The following ADCY2 variants were observed in gnomAD, a reference collection of about 807,000 sequenced individuals.
ADCY2 encodes the protein adenylate cyclase 2.
ADCY2 carries 31 observed loss-of-function variants against 125.2 expected under a neutral mutation model. The observed-to-expected ratio is 0.25, with a 90% confidence interval of 0.19 to 0.33. The LOEUF (loss-of-function observed/expected upper bound fraction) is 0.33, where lower values mean the gene tolerates loss of function less well. Among genes scored for constraint, ADCY2 ranks in the 10% least tolerant of loss-of-function variants. The pLI, the probability that ADCY2 is intolerant of heterozygous loss-of-function variation, is 1.00. For missense variants in ADCY2, 904 were observed against 1,418.2 expected, an observed-to-expected ratio of 0.64 and a Z score of 5.82; for synonymous variants, 512 against 548.4, an observed-to-expected ratio of 0.93 and a Z score of 0.93.
chr5:7,716,090 A>C (rs1212061836), intron 11 of ADCY2, among the ~76,000 whole-genome samples: 1 of 152,196 alleles, frequency 6.6e-6, no homozygotes, highest in African/African-American at 2.4e-5. Flanking sequence ...CAAATTGTCA[A>C]ATTAACCTTG....
intron 2 of ADCY2, among the ~76,000 whole-genome samples, chr5:7,497,581 T>A: frequency 6.6e-6 from 1 of 152,044 alleles, no homozygotes; most frequent in East Asian, 1.9e-4. Context: ...AATGAAAGCA[T>A]CCAAAAGTCA....
intron 2 of ADCY2, among the ~76,000 whole-genome samples, chr5:7,504,254 G>A (rs1202647578): frequency 2.6e-5 from 4 of 152,192 alleles, no homozygotes; most frequent in Admixed American, 2.0e-4. Flanking sequence ...AATCCCTTAT[G>A]AACCAGAAAA....
intron 4 of ADCY2, among the ~76,000 whole-genome samples, chr5:7,628,823 A>T (rs557925864): frequency 3.8e-5 from 5 of 133,004 alleles, no homozygotes; most frequent in South Asian, 4.7e-4. Flanking sequence ...ATCTTGGTTT[A>T]AAAAAAAAAA....
intron 20 of ADCY2, chr5:7,797,875 A>G (rs1744476007): frequency 6.6e-6 from 1 of 152,258 alleles, no homozygotes; most frequent in African/African-American, 2.4e-5. Flanking sequence ...GGAGCACCCC[A>G]TGACTTGAGT....
chr5:7,781,539 T>C (rs989930584), intron 18 of ADCY2, among the ~76,000 whole-genome samples: 1 of 152,164 alleles, frequency 6.6e-6, no homozygotes, highest in Non-Finnish European at 1.5e-5. Flanking sequence ...AAGCCAATGA[T>C]GGCCAGCAAA....
At chr5:7,417,216 G>T (rs546111136) in intron 2 of ADCY2, among the ~76,000 whole-genome samples, 1 of 151,434 alleles carries the variant, frequency 6.6e-6, no homozygotes, top group Non-Finnish European at 1.5e-5. Context: ...AATAATTTTC[G>T]TTAGACTCAA....
chr5:7,643,266 AT>A (rs1449878960), intron 4 of ADCY2, among the ~76,000 whole-genome samples: 8 of 152,090 alleles, frequency 5.3e-5, no homozygotes, highest in Non-Finnish European at 8.8e-5. Flanking sequence ...AAACAGATTA[AT>A]TTTTTCAGCA....
chr5:7,807,452 C>T (rs945848154), intron 22 of ADCY2, among the ~76,000 whole-genome samples: 2 of 152,190 alleles, frequency 1.3e-5, no homozygotes, highest in African/African-American at 2.4e-5. Context: ...TCTGAGCATT[C>T]GTCCTAGGTG....
At chr5:7,807,483 C>T (rs1250770104) in intron 22 of ADCY2, among the ~76,000 whole-genome samples, 6 of 152,164 alleles carry the variant, frequency 3.9e-5, no homozygotes, top group Non-Finnish European at 8.8e-5. Context: ...TGTGGATGGC[C>T]GTTGCCTTTG....
At chr5:7,573,445 G>T (rs191530042) in intron 3 of ADCY2, among the ~76,000 whole-genome samples, 100 of 152,182 alleles carry the variant, frequency 6.6e-4, no homozygotes, top group African/African-American at 2.2e-3. Context: ...AGGCATGGAT[G>T]CATGGTTCTA....
At chr5:7,808,700 T>A (rs1744840325) in intron 22 of ADCY2, among the ~76,000 whole-genome samples, 1 of 152,194 alleles carries the variant, frequency 6.6e-6, no homozygotes, top group Non-Finnish European at 1.5e-5. Flanking sequence ...TTGGCTCACC[T>A]GCCCCTCCAC....
intron 19 of ADCY2, among the ~76,000 whole-genome samples, chr5:7,788,877 A>G (rs899980477): frequency 1.3e-5 from 2 of 152,242 alleles, no homozygotes; most frequent in Non-Finnish European, 2.9e-5. Flanking sequence ...TCCATTCAAG[A>G]CTATTTCATG....
At chr5:7,777,753 G>A (rs1743781374) in intron 18 of ADCY2, among the ~76,000 whole-genome samples, 1 of 152,196 alleles carries the variant, frequency 6.6e-6, no homozygotes, top group Admixed American at 6.5e-5. Flanking sequence ...GGAAAAAGGA[G>A]AAGTATGCAC....
At chr5:7,530,157 G>A (rs2126544581) in intron 3 of ADCY2, among the ~76,000 whole-genome samples, 1 of 152,318 alleles carries the variant, frequency 6.6e-6, no homozygotes, top group South Asian at 2.1e-4. Context: ...CTGATTAGAT[G>A]TGATGACCTC....
At chr5:7,559,797 C>A (rs1287516585) in intron 3 of ADCY2, among the ~76,000 whole-genome samples, 3 of 152,052 alleles carry the variant, frequency 2.0e-5, no homozygotes, top group Admixed American at 6.6e-5. Context: ...TATGAAGAAG[C>A]AAGAAAGACC....
intron 2 of ADCY2, among the ~76,000 whole-genome samples, chr5:7,452,747 T>C (rs912906784): frequency 3.9e-5 from 6 of 152,206 alleles, no homozygotes; most frequent in African/African-American, 9.7e-5. Flanking sequence ...TTTCACCACA[T>C]CCATGCTAAC....
At chr5:7,658,560 C>A (rs1027218839) in intron 4 of ADCY2, among the ~76,000 whole-genome samples, 3 of 151,930 alleles carry the variant, frequency 2.0e-5, no homozygotes, top group African/African-American at 7.3e-5. Flanking sequence ...GCTGGGACTA[C>A]AAGCATGAGG....
chr5:7,722,951 A>C (rs1741806164), intron 12 of ADCY2, among the ~76,000 whole-genome samples: 1 of 127,550 alleles, frequency 7.8e-6, no homozygotes, highest in African/African-American at 3.1e-5. Flanking sequence ...CAAGAGCGAA[A>C]CTCCATCTCA....
intron 17 of ADCY2, among the ~76,000 whole-genome samples, chr5:7,771,964 G>A (rs1287822439): frequency 1.3e-5 from 2 of 152,140 alleles, no homozygotes; most frequent in Admixed American, 6.5e-5. Flanking sequence ...CAGAAACCCC[G>A]TAATGTAGCA....
Sources: allele counts gnomAD v4.1 joint callset (sites outside exome capture counted in the v4.1 genomes callset), GRCh38; gene constraint gnomAD v4.1.1; transcripts MANE v1.5; gene names NCBI Gene and HGNC (gene_info 2026-07-23, HGNC 2026-07-21).